Variants in BAZ1B observed in about 807,000 individuals in gnomAD.
The protein encoded by BAZ1B is bromodomain adjacent to zinc finger domain 1B, also known as tyrosine-protein kinase BAZ1B.
BAZ1B carries 22 observed loss-of-function variants against 153.8 expected under a neutral mutation model. The observed-to-expected ratio is 0.14, with a 90% confidence interval of 0.10 to 0.20. The LOEUF (loss-of-function observed/expected upper bound fraction) is 0.20, where lower values mean the gene tolerates loss of function less well. Ranked by LOEUF, BAZ1B falls within the 10% of genes least tolerant of loss-of-function variation. The pLI, the probability that BAZ1B is intolerant of heterozygous loss-of-function variation, is 1.00. For synonymous variants in BAZ1B, 676 were observed against 633.4 expected (o/e 1.07, Z -1.01); for missense variants, 1,325 against 1,799.3 (o/e 0.74, Z 4.77).
intron 5 of BAZ1B, among the ~76,000 whole-genome samples, chr7:73,491,567 C>G (rs782027900): frequency 8.6e-5 from 13 of 152,000 alleles, no homozygotes; most frequent in Non-Finnish European, 1.5e-4. Flanking sequence ...CCATTGCACT[C>G]CAGCCTGGGC....
chr7:73,469,187 A>T (rs1291369809), intron 9 of BAZ1B, among the ~76,000 whole-genome samples: 1 of 151,948 alleles, frequency 6.6e-6, no homozygotes, highest in African/African-American at 2.4e-5. Flanking sequence ...CCCTTCTTAG[A>T]CCCCATACCT....
intron 13 of BAZ1B, 126 bp downstream of exon 13, chr7:73,459,410 C>G: frequency 1.1e-6 from 1 of 931,994 alleles, no homozygotes. Flanking sequence ...AAAACACACA[C>G]ACACACAAAA....
intron 6 of BAZ1B, among the ~76,000 whole-genome samples, chr7:73,481,421 G>T (rs188898606): frequency 0.012 from 1,877 of 151,390 alleles, 42 homozygotes; most frequent in African/African-American, 0.043. Flanking sequence ...GGAGGCTGAG[G>T]CAGGAGAATG....
chr7:73,517,113 G>T (rs1427300719), intron 1 of BAZ1B, among the ~76,000 whole-genome samples: 1 of 151,846 alleles, frequency 6.6e-6, no homozygotes, highest in Non-Finnish European at 1.5e-5. Context: ...AACCCAGGAG[G>T]CGGAGGTTGT....
At chr7:73,498,172 C>A (rs1369044085) in intron 4 of BAZ1B, among the ~76,000 whole-genome samples, 1 of 152,096 alleles carries the variant, frequency 6.6e-6, no homozygotes, top group Non-Finnish European at 1.5e-5. Flanking sequence ...GTTGACCAGG[C>A]TGGTCTCGAA....
intron 11 of BAZ1B, chr7:73,464,088 T>C: frequency 3.2e-6 from 3 of 941,652 alleles, no homozygotes; most frequent in Non-Finnish European, 2.5e-6. Flanking sequence ...AATTTACACA[T>C]TAAGCAGTGG....
At chr7:73,510,479 G>A (rs1015869148) in intron 2 of BAZ1B, among the ~76,000 whole-genome samples, 1 of 152,116 alleles carries the variant, frequency 6.6e-6, no homozygotes, top group Non-Finnish European at 1.5e-5. Context: ...TACTTACAAG[G>A]TCAAAGTATG....
chr7:73,483,409 C>T (rs782036743), intron 6 of BAZ1B, among the ~76,000 whole-genome samples: 1 of 152,186 alleles, frequency 6.6e-6, no homozygotes, highest in Non-Finnish European at 1.5e-5. Flanking sequence ...TTCTCATTCA[C>T]CCAGGGCAAC....
At chr7:73,460,195 A>G (rs1554570165) in intron 12 of BAZ1B, among the ~76,000 whole-genome samples, 1 of 129,362 alleles carries the variant, frequency 7.7e-6, no homozygotes, top group Non-Finnish European at 1.7e-5. Context: ...TCTCAGGGAA[A>G]AAAAAAAAAA....
In BAZ1B at chr7:73,522,279, G is replaced by A; in HGVS notation, c.-346C>T. 1 of 374,418 alleles carries A rather than the reference G, an allele frequency of 2.7e-6. No homozygotes were observed. Among genetic ancestry groups the A allele is most frequent in the South Asian group, 1.5e-4 (1 of 6,864 alleles). 23.2% of individuals were successfully genotyped at this position (374,418 alleles called of 1,614,324 possible). A position where few individuals can be genotyped will look rare whatever the true frequency, so the allele number is the denominator to read the frequency against. ...AGATTCCCCTCCTCCCCCGGGCCCG[G>A]CCAACGCACACACTAACTTGCTCCC... On this transcript the variant is annotated 5_prime_UTR_variant, in exon 1 of 20. Coordinates refer to ENST00000339594, the MANE Select transcript of BAZ1B (RefSeq NM_032408.4).
intron 11 of BAZ1B, among the ~76,000 whole-genome samples, chr7:73,464,483 A>T (rs1583900828): frequency 6.6e-6 from 1 of 151,614 alleles, no homozygotes; most frequent in Non-Finnish European, 1.5e-5. Context: ...AGCAATCATC[A>T]CTCCTATTCT....
rs537979978 is a variant in BAZ1B at position 73,519,867 on chromosome 7, G to A, written c.107+1960C>T. Among the ~76,000 whole-genome samples, 8 of 152,176 alleles carry A rather than the reference G, an allele frequency of 5.3e-5. No individual in the cohort carries two copies. The East Asian group carries it at 1.4e-3, about 26-fold the overall frequency. The stretch of plus-strand genomic sequence containing the variant: ...TAATGACATTGGAAAAGTATATGTC[G>A]GATTCTCACAAGTTGCTACTCCACT... On this transcript the variant is annotated intron_variant, in intron 1 of 19. Transcript: ENST00000339594.
At chr7:73,491,915 C>T (rs1789660823) in intron 5 of BAZ1B, among the ~76,000 whole-genome samples, 1 of 151,676 alleles carries the variant, frequency 6.6e-6, no homozygotes, top group Non-Finnish European at 1.5e-5. Flanking sequence ...TCTGCACATA[C>T]AGGTGGTGTA....
In BAZ1B at chr7:73,522,209, A is replaced by T. The variant is rs1441635803; in HGVS notation, c.-276T>A. On this transcript the variant is annotated 5_prime_UTR_variant, in exon 1 of 20. Transcript: ENST00000339594. Reference sequence around the variant, plus strand: ...CGGGTCCCGGCGGCCGGCAGTCACGACTCCTCCTCAGCAGCACCGGAGGAA... The same window carrying T: ...CGGGTCCCGGCGGCCGGCAGTCACGTCTCCTCCTCAGCAGCACCGGAGGAA... 1 of 388,778 alleles carries T rather than the reference A, an allele frequency of 2.6e-6. No homozygotes were observed. Among genetic ancestry groups the T allele is most frequent in the African/African-American group, 2.1e-5 (1 of 47,734 alleles). 24.1% of individuals were successfully genotyped at this position (388,778 alleles called of 1,614,324 possible). A position where few individuals can be genotyped will look rare whatever the true frequency, so the allele number is the denominator to read the frequency against.
At chr7:73,521,588 G>A (rs1791045176) in intron 1 of BAZ1B, among the ~76,000 whole-genome samples, 1 of 151,934 alleles carries the variant, frequency 6.6e-6, no homozygotes, top group African/African-American at 2.4e-5. Flanking sequence ...AAAGTGCGGG[G>A]CCCCGGGGGC....
At chr7:73,484,052 G>T (rs1789301210) in intron 6 of BAZ1B, among the ~76,000 whole-genome samples, 1 of 152,268 alleles carries the variant, frequency 6.6e-6, no homozygotes, top group East Asian at 1.9e-4. Context: ...TGGATCACAA[G>T]GTCCAGGGAT....
At chr7:73,455,191 T>A (rs1389689397) in intron 13 of BAZ1B, among the ~76,000 whole-genome samples, 1 of 152,092 alleles carries the variant, frequency 6.6e-6, no homozygotes, top group African/African-American at 2.4e-5. Flanking sequence ...GGTCCTGAAC[T>A]TAAGGCTTTT....
chr7:73,459,763 G>A (rs1554570085), intron 12 of BAZ1B, 45 bp from the exon 13 acceptor site: 4 of 1,511,970 alleles, frequency 2.6e-6, no homozygotes, highest in Admixed American at 2.2e-5. Flanking sequence ...AGGCCCAGAG[G>A]AAGACGAAAG....
chr7:73,513,269 T>A (rs1001583821), intron 1 of BAZ1B, among the ~76,000 whole-genome samples: 1 of 152,174 alleles, frequency 6.6e-6, no homozygotes, highest in Non-Finnish European at 1.5e-5. Context: ...TTAATAAATA[T>A]AGATGCTTGG....
Sources: gnomAD v4.1 joint callset for allele counts (sites outside exome capture counted in the v4.1 genomes callset) on GRCh38, gnomAD v4.1.1 for gene constraint, MANE v1.5 for transcripts, NCBI Gene and HGNC (gene_info 2026-07-23, HGNC 2026-07-21) for gene names.